The following SDK1 variants were observed in gnomAD, a reference collection of about 807,000 sequenced individuals.
The protein encoded by SDK1 is protein sidekick-1.
A neutral mutation model predicts 245.5 loss-of-function variants in SDK1; 157 were observed. The observed-to-expected ratio is 0.64, with a 90% CI of 0.56 to 0.73. The LOEUF (loss-of-function observed/expected upper bound fraction) is 0.73. Among genes scored for constraint, SDK1 ranks in the 30% least tolerant of loss-of-function variants. The pLI is 0.00. For missense variants in SDK1, 3,583 were observed against 3,002.3 expected (o/e 1.19, Z -4.52); for synonymous variants, 1,647 against 1,278.5 (o/e 1.29, Z -6.15).
intron 5 of SDK1, among the ~76,000 whole-genome samples, chr7:3,907,470 C>G (rs1451859816): frequency 6.6e-6 from 1 of 152,222 alleles, no homozygotes; most frequent in Non-Finnish European, 1.5e-5. Flanking sequence ...TGGCTGAACA[C>G]TATTTCATTA....
intron 4 of SDK1, among the ~76,000 whole-genome samples, chr7:3,727,558 T>C (rs558204378): frequency 2.5e-4 from 38 of 152,262 alleles, no homozygotes; most frequent in African/African-American, 8.7e-4. Context: ...TGGCGCCATC[T>C]TGGCTCATGG....
At chr7:4,100,922 G>A (rs1782495933) in intron 22 of SDK1, among the ~76,000 whole-genome samples, 1 of 152,174 alleles carries the variant, frequency 6.6e-6, no homozygotes, top group Non-Finnish European at 1.5e-5. Context: ...CCCTGTGGCT[G>A]TGAGCCCCAA....
intron 17 of SDK1, among the ~76,000 whole-genome samples, chr7:4,041,246 G>C (rs1487846964): frequency 6.6e-6 from 1 of 151,158 alleles, no homozygotes; most frequent in Non-Finnish European, 1.5e-5. Context: ...GAGTTACCGG[G>C]TTCAGAAAGT....
chr7:3,787,389 G>A (rs759480505), intron 4 of SDK1, among the ~76,000 whole-genome samples: 22 of 152,250 alleles, frequency 1.4e-4, no homozygotes, highest in African/African-American at 4.1e-4. Flanking sequence ...GTGACAGAGC[G>A]TAGCAACATG....
chr7:3,815,334 A>T (rs1170432262), intron 4 of SDK1, among the ~76,000 whole-genome samples: 1 of 107,134 alleles, frequency 9.3e-6, no homozygotes, highest in Non-Finnish European at 1.8e-5. Flanking sequence ...GGGTTGTTGA[A>T]TTTTGTCAAA....
intron 1 of SDK1, among the ~76,000 whole-genome samples, chr7:3,350,647 C>T (rs1164054007): frequency 6.6e-6 from 1 of 152,168 alleles, no homozygotes; most frequent in African/African-American, 2.4e-5. Context: ...AACAGTCTTA[C>T]CTTGAACCAC....
At chr7:3,511,011 G>A (rs1470031813) in intron 1 of SDK1, among the ~76,000 whole-genome samples, 1 of 152,162 alleles carries the variant, frequency 6.6e-6, no homozygotes, top group East Asian at 1.9e-4. Flanking sequence ...GAGTGTAGGG[G>A]GACGAGGGTG....
intron 2 of SDK1, among the ~76,000 whole-genome samples, chr7:3,634,293 A>G (rs1782390218): frequency 6.6e-6 from 1 of 152,178 alleles, no homozygotes; most frequent in African/African-American, 2.4e-5. Flanking sequence ...CTGGGCTGAG[A>G]TGGACCCGAT....
At chr7:4,020,664 G>T (rs374001123) in intron 17 of SDK1, among the ~76,000 whole-genome samples, 1 of 152,188 alleles carries the variant, frequency 6.6e-6, no homozygotes, top group Admixed American at 6.5e-5. Context: ...CGCAGTGAGC[G>T]TGACGTTTCA....
At chr7:3,566,650 G>A (rs1381185996) in intron 1 of SDK1, among the ~76,000 whole-genome samples, 1 of 151,230 alleles carries the variant, frequency 6.6e-6, no homozygotes, top group African/African-American at 2.4e-5. Flanking sequence ...GGAAAATGAT[G>A]TAGGTGTATG....
chr7:3,460,961 A>T (rs529013796), intron 1 of SDK1, among the ~76,000 whole-genome samples: 1 of 152,238 alleles, frequency 6.6e-6, no homozygotes, highest in Non-Finnish European at 1.5e-5. Flanking sequence ...AAACATGAAC[A>T]TTCAAGAATA....
intron 5 of SDK1, among the ~76,000 whole-genome samples, chr7:3,869,794 G>A (rs1780914057): frequency 6.6e-6 from 1 of 152,190 alleles, no homozygotes; most frequent in Non-Finnish European, 1.5e-5. Context: ...AAAGGAGGAG[G>A]GGGCTACAGT....
At chr7:3,948,102 C>T (rs957145446) in intron 5 of SDK1, among the ~76,000 whole-genome samples, 5 of 152,170 alleles carry the variant, frequency 3.3e-5, no homozygotes, top group Non-Finnish European at 7.3e-5. Flanking sequence ...ATTCAGGTCA[C>T]GTAATATTCT....
intron 4 of SDK1, among the ~76,000 whole-genome samples, chr7:3,687,888 C>G (rs774306240): frequency 3.9e-5 from 6 of 152,076 alleles, no homozygotes; most frequent in Admixed American, 3.9e-4. Flanking sequence ...ATAAAGGTAC[C>G]CAGGATTGCT....
At chr7:3,698,395 T>C (rs1784636605) in intron 4 of SDK1, among the ~76,000 whole-genome samples, 1 of 152,098 alleles carries the variant, frequency 6.6e-6, no homozygotes. Context: ...ACTTCCACCT[T>C]ACCTGGTGCT....
chr7:3,779,810 T>C (rs1232097745), intron 4 of SDK1, among the ~76,000 whole-genome samples: 1 of 151,884 alleles, frequency 6.6e-6, no homozygotes, highest in Non-Finnish European at 1.5e-5. Context: ...CGGGCGCCTG[T>C]AGTCCCAGCT....
rs555346089 is a variant in SDK1 at position 3,319,526 on chromosome 7, TCTGGCTTCTTGGC to T, written c.298+17648_298+17660del. The stretch of plus-strand genomic sequence containing the variant: ...TTATTATCTCCTCAAGAGTACATGC[TCTGGCTTCTTGGC>T]CTGGCAGGCTTTCATTACTTACATG... On this transcript the variant is annotated intron_variant, in intron 1 of 44. Coordinates refer to ENST00000404826, the MANE Select transcript of SDK1 (RefSeq NM_152744.4). Among the ~76,000 whole-genome samples the T allele has an allele frequency of 4.2e-3, 641 of 152,320 alleles. 3 individuals are homozygous for T. The highest frequency in any genetic ancestry group is 0.014 in the African/African-American group (601 of 41,576).
intron 4 of SDK1, among the ~76,000 whole-genome samples, chr7:3,664,413 A>C (rs1174970937): frequency 6.6e-6 from 1 of 152,158 alleles, no homozygotes; most frequent in Non-Finnish European, 1.5e-5. Context: ...TTCTTCTGGA[A>C]TATTACAGCC....
intron 1 of SDK1, among the ~76,000 whole-genome samples, chr7:3,315,787 G>C (rs1431186798): frequency 1.3e-5 from 2 of 152,148 alleles, no homozygotes; most frequent in Non-Finnish European, 2.9e-5. Flanking sequence ...AAGTTGTTTA[G>C]TGGTTCAGAC....
Sources: gnomAD v4.1 joint callset for allele counts (sites outside exome capture counted in the v4.1 genomes callset) on GRCh38, gnomAD v4.1.1 for gene constraint, MANE v1.5 for transcripts, NCBI Gene and HGNC (gene_info 2026-07-23, HGNC 2026-07-21) for gene names.